The following LMBRD1 variants were observed in gnomAD, a reference collection of about 807,000 sequenced individuals.
LMBRD1 encodes lysosomal cobalamin transport escort protein LMBD1.
LMBRD1 carries 64 observed loss-of-function variants against 74.8 expected under a neutral mutation model. The observed-to-expected ratio is 0.86, with a 90% CI of 0.70 to 1.05. The LOEUF (loss-of-function observed/expected upper bound fraction) is 1.05. Among genes scored for constraint, LMBRD1 ranks in the 50% least tolerant of loss-of-function variants. The pLI is 0.00. For synonymous variants in LMBRD1, 204 were observed against 216.3 expected (o/e 0.94, Z 0.50); for missense variants, 652 against 645.9 (o/e 1.01, Z -0.10).
intron 1 of LMBRD1, 67 bp from the exon 2 acceptor site, chr6:69,790,539 T>C: frequency 1.3e-6 from 2 of 1,504,692 alleles, no homozygotes; most frequent in Non-Finnish European, 1.8e-6. Flanking sequence ...TGTATGTGTT[T>C]GAAAGTTTCT....
At position 69,703,534 on chromosome 6, in the gene LMBRD1, G is replaced by C. The variant is rs73477462; in HGVS notation, c.916-1581C>G. Among the ~76,000 whole-genome samples, 1,048 of 150,104 alleles carry C rather than the reference G, an allele frequency of 7.0e-3. 16 individuals are homozygous for C. The highest frequency in any genetic ancestry group is 0.021 in the African/African-American group (876 of 40,932). ...AATCTGTAGAGATGACTGACCCAGA[G>C]TTAGACTGCTTAATCAGTGACTTAA... On this transcript the variant is annotated intron_variant, in intron 9 of 15. Transcript: ENST00000649934.
chr6:69,794,433 G>C lies in LMBRD1; in HGVS notation c.69+2380C>G, dbSNP rs558541127. Among the ~76,000 whole-genome samples the C allele has an allele frequency of 3.3e-5, 5 of 152,342 alleles. No homozygotes were observed. In the East Asian group the frequency reaches 9.7e-4, roughly 29 times the overall value. Reference sequence around the variant, plus strand: ...ATAAAGTCCTGCTGCATACCAAGATGTGATGGCTATCTCCAGGAAAAGTTT... The same window carrying C: ...ATAAAGTCCTGCTGCATACCAAGATCTGATGGCTATCTCCAGGAAAAGTTT... On this transcript the variant is annotated intron_variant, in intron 1 of 15. Transcript: ENST00000649934.
chr6:69,751,663 A>C (rs570633805), intron 4 of LMBRD1, among the ~76,000 whole-genome samples: 1 of 152,322 alleles, frequency 6.6e-6, no homozygotes, highest in East Asian at 1.9e-4. Flanking sequence ...ATTAGTAAGA[A>C]CAACCTACAA....
At chr6:69,793,345 A>G (rs1283346181) in intron 1 of LMBRD1, among the ~76,000 whole-genome samples, 1 of 152,186 alleles carries the variant, frequency 6.6e-6, no homozygotes, top group Non-Finnish European at 1.5e-5. Flanking sequence ...TCATTAAACT[A>G]ATGAGAATAG....
chr6:69,756,112 G>A (rs191603233), intron 3 of LMBRD1, among the ~76,000 whole-genome samples: 141 of 152,132 alleles, frequency 9.3e-4, no homozygotes, highest in African/African-American at 2.8e-3. Context: ...TGTAATCTCC[G>A]CACTTTGGGA....
intron 7 of LMBRD1, among the ~76,000 whole-genome samples, chr6:69,724,648 A>C (rs1177381814): frequency 6.6e-6 from 1 of 151,392 alleles, no homozygotes; most frequent in Non-Finnish European, 1.5e-5. Context: ...ATGCTGAAAA[A>C]GCATTTGATA....
intron 9 of LMBRD1, chr6:69,705,430 T>C: frequency 1.6e-6 from 2 of 1,288,014 alleles, no homozygotes; most frequent in Non-Finnish European, 2.2e-6. Flanking sequence ...ATTTTTGCTT[T>C]AATGTCTTCT....
intron 3 of LMBRD1, among the ~76,000 whole-genome samples, chr6:69,764,480 C>G (rs1337261377): frequency 6.6e-6 from 1 of 152,146 alleles, no homozygotes; most frequent in Non-Finnish European, 1.5e-5. Flanking sequence ...GACTCCCACT[C>G]TATATTTTGT....
rs754639294 is a variant in LMBRD1 at position 69,741,888 on chromosome 6, G to C, written c.474-11C>G. 1 of 1,457,174 alleles carries C rather than the reference G, an allele frequency of 6.9e-7. No homozygotes were observed. The highest frequency in any genetic ancestry group is 1.2e-5 in the South Asian group (1 of 86,488). 90.3% of individuals were successfully genotyped at this position (1,457,174 alleles called of 1,614,324 possible). ...AATGGAACAAAGGCACTACAAAAGAGAAAATAATTGTTTTAATAGCTTTAA... is the reference window on the plus strand; with the variant it reads ...AATGGAACAAAGGCACTACAAAAGACAAAATAATTGTTTTAATAGCTTTAA... On this transcript the variant is annotated splice_polypyrimidine_tract_variant and intron_variant, in intron 5 of 15. Transcript: ENST00000649934.
intron 1 of LMBRD1, among the ~76,000 whole-genome samples, chr6:69,796,262 G>A (rs1422321500): frequency 6.6e-6 from 1 of 152,106 alleles, no homozygotes; most frequent in African/African-American, 2.4e-5. Flanking sequence ...AGAAGAGAAT[G>A]TGACACCTGG....
intron 14 of LMBRD1, 134 bp from the exon 15 acceptor site, chr6:69,676,675 GAA>G: frequency 1.3e-6 from 1 of 751,546 alleles, no homozygotes. Context: ...AGATGGTACT[GAA>G]ACTTAGGTCT....
intron 14 of LMBRD1, among the ~76,000 whole-genome samples, chr6:69,695,670 A>C (rs1162078688): frequency 6.6e-6 from 1 of 151,256 alleles, no homozygotes; most frequent in African/African-American, 2.4e-5. Flanking sequence ...GTTATCTTTT[A>C]TTTTTCCCAA....
At position 69,793,148 on chromosome 6, in the gene LMBRD1, G is replaced by C. The variant is rs573959453; in HGVS notation, c.70-2676C>G. Among the ~76,000 whole-genome samples the C allele has an allele frequency of 7.9e-5, 12 of 152,256 alleles. No homozygotes were observed. In the East Asian group the frequency reaches 1.9e-3, roughly 24 times the overall value. On this transcript the variant is annotated intron_variant, in intron 1 of 15. Transcript: ENST00000649934. Reference sequence around the variant, plus strand: ...GTAGTTATTAGATAATTTGATAAAAGAAACAAATATATAACTCTGTTAACA... The same window carrying C: ...GTAGTTATTAGATAATTTGATAAAACAAACAAATATATAACTCTGTTAACA...
Position 69,676,154 on chromosome 6 carries a change from G to T in LMBRD1, c.*4C>A. 8 of 1,597,978 alleles carry T rather than the reference G, an allele frequency of 5.0e-6. No individual in the cohort carries two copies. Among genetic ancestry groups the T allele is most frequent in the Non-Finnish European group, 6.9e-6 (8 of 1,165,748 alleles). On this transcript the variant is annotated 3_prime_UTR_variant, in exon 16 of 16. Coordinates refer to ENST00000649934, the MANE Select transcript of LMBRD1 (RefSeq NM_018368.4). ...CATTATAAAACCTTTAAGACAGAAG[G>T]CTGTCAAGCAGAATAGACAGAGGGC... is the stretch of plus-strand genomic sequence containing the variant.
rs1765523197 is a variant in LMBRD1, at chr6:69,675,327, G to A, written c.*831C>T. Among the ~76,000 whole-genome samples the A allele has an allele frequency of 1.3e-5, 2 of 152,022 alleles. No homozygotes were observed. Among genetic ancestry groups the A allele is most frequent in the South Asian group, 4.1e-4 (2 of 4,828 alleles). On this transcript the variant is annotated 3_prime_UTR_variant, in exon 16 of 16. Transcript: ENST00000649934. The stretch of plus-strand genomic sequence containing the variant: ...AATGTGTTCAAAATACCCTACTGAT[G>A]TCATACAGCTTTCATTACATCTTTT...
At position 69,674,378 on chromosome 6, in the gene LMBRD1, G is replaced by T. The variant is rs1765504791; in HGVS notation, c.*1780C>A. Among the ~76,000 whole-genome samples, 1 of 152,168 alleles carries T rather than the reference G, an allele frequency of 6.6e-6. No individual in the cohort carries two copies. The highest frequency in any genetic ancestry group is 2.4e-5 in the African/African-American group (1 of 41,442). ...ATAACATAGAAAGTGGAGAAGAAGG[G>T]ACAAATGGAAAGATAGGAAGTAGAA... On this transcript the variant is annotated 3_prime_UTR_variant, in exon 16 of 16. Transcript: ENST00000649934.
chr6:69,687,266 C>T (rs1765782499), intron 14 of LMBRD1, among the ~76,000 whole-genome samples: 1 of 152,136 alleles, frequency 6.6e-6, no homozygotes, highest in Non-Finnish European at 1.5e-5. Flanking sequence ...TAAGAATTCC[C>T]TTTCTCCTGT....
chr6:69,730,729 A>G (rs374659130), intron 7 of LMBRD1, among the ~76,000 whole-genome samples: 49 of 152,306 alleles, frequency 3.2e-4, no homozygotes, highest in African/African-American at 1.2e-3. Context: ...GTCAGGAGAA[A>G]GAGAATGAAG....
At chr6:69,727,115 C>T (rs895325124) in intron 7 of LMBRD1, among the ~76,000 whole-genome samples, 72 of 152,046 alleles carry the variant, frequency 4.7e-4, no homozygotes, top group Non-Finnish European at 1.9e-4. Context: ...GTTGAGATCG[C>T]GCCACTGCAC....
Sources: allele counts gnomAD v4.1 joint callset (sites outside exome capture counted in the v4.1 genomes callset), GRCh38; gene constraint gnomAD v4.1.1; transcripts MANE v1.5; gene names NCBI Gene and HGNC (gene_info 2026-07-23, HGNC 2026-07-21).